Variants in GNAQ observed in about 807,000 individuals in gnomAD.
GNAQ encodes the protein G protein subunit alpha q.
Under a neutral mutation model 43.9 loss-of-function variants are expected in GNAQ, and 8 were observed. The ratio of observed to expected loss-of-function variants is 0.18; its 90% CI spans 0.11 to 0.33. GNAQ has a LOEUF of 0.33. Ranked by LOEUF, GNAQ falls within the 10% of genes least tolerant of loss-of-function variation. The pLI is 1.00. For synonymous variants in GNAQ, 155 were observed against 170.7 expected (o/e 0.91, Z 0.71); for missense variants, 158 against 450.8 (o/e 0.35, Z 5.88).
chr9:77,886,601 A>G (rs893685825), intron 2 of GNAQ, among the ~76,000 whole-genome samples: 8 of 152,180 alleles, frequency 5.3e-5, no homozygotes, highest in Non-Finnish European at 1.5e-5. Context: ...ACAAATTTCT[A>G]TCACTTGACA....
intron 5 of GNAQ, among the ~76,000 whole-genome samples, chr9:77,793,793 T>A (rs1826614789): frequency 6.6e-6 from 1 of 152,100 alleles, no homozygotes; most frequent in Non-Finnish European, 1.5e-5. Context: ...GTCAGGTCTT[T>A]ACCATCCTGA....
intron 1 of GNAQ, among the ~76,000 whole-genome samples, chr9:78,020,814 T>C (rs1045737493): frequency 6.6e-6 from 1 of 152,116 alleles, no homozygotes; most frequent in African/African-American, 2.4e-5. Flanking sequence ...CTGGCACTCA[T>C]TCAACTGCAA....
chr9:77,862,366 TTC>T (rs1400470190), intron 2 of GNAQ, among the ~76,000 whole-genome samples: 10 of 152,310 alleles, frequency 6.6e-5, no homozygotes, highest in African/African-American at 1.9e-4. Flanking sequence ...ATTCAGGCAT[TTC>T]CATACATCCT....
chr9:77,860,563 C>G (rs1052273729), intron 2 of GNAQ, among the ~76,000 whole-genome samples: 4 of 152,186 alleles, frequency 2.6e-5, no homozygotes, highest in African/African-American at 9.7e-5. Context: ...CTAGATCCCT[C>G]CTGCACATGC....
intron 2 of GNAQ, among the ~76,000 whole-genome samples, chr9:77,851,769 G>A (rs1827678513): frequency 6.6e-6 from 1 of 152,124 alleles, no homozygotes; most frequent in East Asian, 1.9e-4. Flanking sequence ...AATTGTTGTT[G>A]CTTTACTTCT....
chr9:77,721,828 G>A (rs1825318722), intron 6 of GNAQ, among the ~76,000 whole-genome samples: 2 of 152,138 alleles, frequency 1.3e-5, no homozygotes, highest in Admixed American at 6.5e-5. Context: ...TCTTCATCAG[G>A]GGAGTGATAG....
chr9:78,011,080 C>G (rs1361002590), intron 1 of GNAQ, among the ~76,000 whole-genome samples: 2 of 152,042 alleles, frequency 1.3e-5, no homozygotes, highest in Non-Finnish European at 2.9e-5. Flanking sequence ...CAAGAAAATC[C>G]CAAAAACAGC....
intron 1 of GNAQ, among the ~76,000 whole-genome samples, chr9:78,013,530 C>G (rs1210177608): frequency 1.3e-5 from 2 of 150,340 alleles, no homozygotes; most frequent in Non-Finnish European, 3.0e-5. Flanking sequence ...GTTCTCATTT[C>G]TAACAAGACT....
chr9:77,988,670 T>C (rs1823472260), intron 1 of GNAQ, among the ~76,000 whole-genome samples: 1 of 152,140 alleles, frequency 6.6e-6, no homozygotes, highest in African/African-American at 2.4e-5. Flanking sequence ...TGTGTGCAAG[T>C]GACAAATAAA....
At chr9:77,895,654 C>A (rs1828488154) in intron 2 of GNAQ, among the ~76,000 whole-genome samples, 1 of 152,150 alleles carries the variant, frequency 6.6e-6, no homozygotes, top group African/African-American at 2.4e-5. Context: ...TGGAAAATGG[C>A]AAACAGAAAA....
At chr9:77,971,878 T>C (rs1033361800) in intron 1 of GNAQ, among the ~76,000 whole-genome samples, 6 of 152,170 alleles carry the variant, frequency 3.9e-5, no homozygotes, top group African/African-American at 1.4e-4. Context: ...TTGTAAGTTG[T>C]ATGTTGTATT....
At chr9:77,731,171 G>A (rs1452182666) in intron 5 of GNAQ, among the ~76,000 whole-genome samples, 1 of 152,164 alleles carries the variant, frequency 6.6e-6, no homozygotes, top group Non-Finnish European at 1.5e-5. Context: ...CTTTCAAGGG[G>A]AAGTGACTAG....
At chr9:77,961,771 A>C (rs1209063964) in intron 1 of GNAQ, among the ~76,000 whole-genome samples, 1 of 152,206 alleles carries the variant, frequency 6.6e-6, no homozygotes, top group Non-Finnish European at 1.5e-5. Context: ...AATATCCAGC[A>C]ATCAACAATG....
rs776348147 is a variant in GNAQ, at chr9:77,934,326, C to T, written c.137-11981G>A. Among the ~76,000 whole-genome samples, 48 of 152,136 alleles carry T rather than the reference C, an allele frequency of 3.2e-4. 1 individual carries two copies. The highest frequency in any genetic ancestry group is 2.0e-4 in the Admixed American group (3 of 15,280). ...GCATTAACAACTATTAAATTTCTCA[C>T]GAGAACGTCACCTAGTATTTAGTAT... On this transcript the variant is annotated intron_variant, in intron 1 of 6. Coordinates refer to ENST00000286548, the MANE Select transcript of GNAQ (RefSeq NM_002072.5).
rs201504418 is a variant in GNAQ, at chr9:77,821,724, G to GGGGTGTGTGTGT, written c.322-5955_322-5954insACACACACACCC. Among the ~76,000 whole-genome samples the GGGGTGTGTGTGT allele has an allele frequency of 5.8e-3, 832 of 142,370 alleles. 8 individuals are homozygous for GGGGTGTGTGTGT. Among genetic ancestry groups the GGGGTGTGTGTGT allele is most frequent in the African/African-American group, 0.021 (784 of 37,790 alleles). The allele number at this position is 142,370 out of a possible 152,430, so 93.4% of individuals were successfully genotyped here. The stretch of plus-strand genomic sequence containing the variant: ...TATGATGTTGTACTATCCTAGTATG[G>GGGGTGTGTGTGT]GTGTGTGTGTGTGTGTGTGTGTGTG... On this transcript the variant is annotated intron_variant, in intron 2 of 6. Coordinates refer to ENST00000286548, the MANE Select transcript of GNAQ (RefSeq NM_002072.5).
At chr9:77,865,302 C>T (rs2118000457) in intron 2 of GNAQ, among the ~76,000 whole-genome samples, 1 of 152,280 alleles carries the variant, frequency 6.6e-6, no homozygotes, top group South Asian at 2.1e-4. Flanking sequence ...ATGTGACTTA[C>T]AGTACTATGG....
intron 5 of GNAQ, among the ~76,000 whole-genome samples, chr9:77,733,714 T>A (rs1825531446): frequency 6.6e-6 from 1 of 152,210 alleles, no homozygotes; most frequent in Non-Finnish European, 1.5e-5. Context: ...GACACAGCCC[T>A]TGTCCTGGAA....
At chr9:78,003,848 G>A (rs558302660) in intron 1 of GNAQ, among the ~76,000 whole-genome samples, 1 of 149,992 alleles carries the variant, frequency 6.7e-6, no homozygotes, top group Non-Finnish European at 1.5e-5. Flanking sequence ...GCTGGAGTCC[G>A]AACTGCACCA....
chr9:77,802,912 T>G (rs1225073622), intron 3 of GNAQ, among the ~76,000 whole-genome samples: 1 of 152,068 alleles, frequency 6.6e-6, no homozygotes, highest in Non-Finnish European at 1.5e-5. Flanking sequence ...ACATTATAAA[T>G]TATTAATTTA....
Sources: gnomAD v4.1 joint callset for allele counts (sites outside exome capture counted in the v4.1 genomes callset) on GRCh38, gnomAD v4.1.1 for gene constraint, MANE v1.5 for transcripts, NCBI Gene and HGNC (gene_info 2026-07-23, HGNC 2026-07-21) for gene names.